PCDH15: variants seen among roughly 807,000 people sequenced by gnomAD.
PCDH15 encodes protocadherin-15.
Under a neutral mutation model 178.5 loss-of-function variants are expected in PCDH15, and 129 were observed. The ratio of observed to expected loss-of-function variants is 0.72; its 90% CI spans 0.63 to 0.84. PCDH15 has a LOEUF of 0.84. PCDH15 is among the 40% of genes least tolerant of loss of function. The probability of loss-of-function intolerance (pLI) is 0.00; values close to 1 mark genes in which losing one functional copy is unlikely to be tolerated. For missense variants in PCDH15, 2,230 were observed against 2,099.9 expected (o/e 1.06, Z -1.21); for synonymous variants, 800 against 732.0 (o/e 1.09, Z -1.50).
In PCDH15 at chr10:54,240,792, C is replaced by T. The variant is rs373036966; in HGVS notation, c.877-3861G>A. Reference sequence around the variant, plus strand: ...GACTACAGGCGCCCGCCACCACGCCCGGCTAATATTTTGTATTTTTAGGAG... The same window carrying T: ...GACTACAGGCGCCCGCCACCACGCCTGGCTAATATTTTGTATTTTTAGGAG... On this transcript the variant is annotated intron_variant, in intron 8 of 37. Transcript: ENST00000644397. 1.4e-4 allele frequency among the ~76,000 whole-genome samples: 21 copies of T among 151,716 alleles called. 1 individual carries two copies. The highest frequency in any genetic ancestry group is 8.3e-4 in the South Asian group (4 of 4,798).
intron 17 of PCDH15, among the ~76,000 whole-genome samples, chr10:54,077,267 G>A (rs1258428800): frequency 6.6e-6 from 1 of 152,120 alleles, no homozygotes; most frequent in Admixed American, 6.6e-5. Flanking sequence ...ACCTAGAAAT[G>A]CTAAGTGTCC....
At chr10:54,753,715 A>G (rs574728270) in intron 1 of PCDH15, among the ~76,000 whole-genome samples, 1 of 152,248 alleles carries the variant, frequency 6.6e-6, no homozygotes, top group East Asian at 1.9e-4. Context: ...CTCTATATAC[A>G]CTAGAGCAAG....
chr10:54,980,875 A>G (rs1839217212), intron 2 of PCDH15, among the ~76,000 whole-genome samples: 1 of 152,076 alleles, frequency 6.6e-6, no homozygotes, highest in Non-Finnish European at 1.5e-5. Flanking sequence ...GAAATTGAAT[A>G]TAGAAATGAG....
intron 2 of PCDH15, among the ~76,000 whole-genome samples, chr10:55,467,628 A>C (rs183896881): frequency 2.0e-5 from 3 of 152,144 alleles, no homozygotes; most frequent in African/African-American, 7.2e-5. Flanking sequence ...TGTCTCTCAG[A>C]CATGAACAAA....
chr10:55,231,524 C>A (rs1841223208), intron 1 of PCDH15, among the ~76,000 whole-genome samples: 7 of 151,954 alleles, frequency 4.6e-5, no homozygotes, highest in Admixed American at 4.6e-4. Context: ...AGATGATCGT[C>A]TAAAACAAAA....
At chr10:55,184,980 G>C (rs1030954171) in intron 1 of PCDH15, among the ~76,000 whole-genome samples, 1 of 151,802 alleles carries the variant, frequency 6.6e-6, no homozygotes, top group Admixed American at 6.6e-5. Context: ...TCCTTCAGTT[G>C]GATGTGAAAA....
intron 10 of PCDH15, among the ~76,000 whole-genome samples, chr10:54,198,121 C>A (rs2049859300): frequency 6.6e-6 from 1 of 152,098 alleles, no homozygotes. Flanking sequence ...GATTATGTAT[C>A]CATCTCACAT....
intron 2 of PCDH15, among the ~76,000 whole-genome samples, chr10:55,609,284 G>T (rs1166112452): frequency 6.6e-6 from 1 of 152,098 alleles, no homozygotes; most frequent in Non-Finnish European, 1.5e-5. Flanking sequence ...CAGATGACAA[G>T]AGATGAGAAA....
chr10:55,125,032 C>G (rs931213497), intron 2 of PCDH15, among the ~76,000 whole-genome samples: 1 of 151,994 alleles, frequency 6.6e-6, no homozygotes, highest in Non-Finnish European at 1.5e-5. Context: ...AACTTAAAGG[C>G]CCTAAAAGTG....
intron 2 of PCDH15, among the ~76,000 whole-genome samples, chr10:55,054,156 T>C (rs917003044): frequency 3.3e-5 from 5 of 152,192 alleles, no homozygotes; most frequent in South Asian, 4.1e-4. Flanking sequence ...ATCCTACTCA[T>C]GTACTGTTTT....
At chr10:54,505,280 C>G (rs1180809594) in intron 3 of PCDH15, among the ~76,000 whole-genome samples, 1 of 151,972 alleles carries the variant, frequency 6.6e-6, no homozygotes, top group East Asian at 1.9e-4. Flanking sequence ...TCATGAATTT[C>G]TATGTATACA....
At chr10:54,161,975 G>C (rs1408766854) in intron 13 of PCDH15, among the ~76,000 whole-genome samples, 1 of 152,036 alleles carries the variant, frequency 6.6e-6, no homozygotes, top group Non-Finnish European at 1.5e-5. Flanking sequence ...CAAGCAGCAG[G>C]ACCTAGATGA....
At chr10:55,473,529 T>C (rs1219393182) in intron 2 of PCDH15, among the ~76,000 whole-genome samples, 1 of 152,112 alleles carries the variant, frequency 6.6e-6, no homozygotes, top group Non-Finnish European at 1.5e-5. Flanking sequence ...TTAGAACACC[T>C]TGAAACAGAC....
chr10:54,429,804 G>A (rs1436287741), intron 3 of PCDH15, among the ~76,000 whole-genome samples: 1 of 152,052 alleles, frequency 6.6e-6, no homozygotes, highest in Non-Finnish European at 1.5e-5. Context: ...GTAAATATAT[G>A]TGTACCCAAT....
chr10:53,979,359 G>A (rs1315957589), intron 21 of PCDH15, among the ~76,000 whole-genome samples: 1 of 152,098 alleles, frequency 6.6e-6, no homozygotes, highest in Non-Finnish European at 1.5e-5. Context: ...ATCATGAGAA[G>A]GGCATGGAAG....
intron 3 of PCDH15, among the ~76,000 whole-genome samples, chr10:54,443,100 T>C (rs536205163): frequency 3.2e-4 from 49 of 151,778 alleles, no homozygotes; most frequent in African/African-American, 1.1e-3. Flanking sequence ...TGTTTAAGTT[T>C]GACAAGCATC....
rs576948571 is a variant in PCDH15, at chr10:54,251,368, G to C, written c.877-14437C>G. Among the ~76,000 whole-genome samples the C allele has an allele frequency of 2.0e-5, 3 of 152,142 alleles. No homozygotes were observed. The South Asian group carries it at 6.2e-4, about 32-fold the overall frequency. ...CTTGAGTGTTTTTGTCTTTGTTTTT[G>C]TTTTTCCTTACAGTATCTTTGTTAT... On this transcript the variant is annotated intron_variant, in intron 8 of 37. Coordinates refer to ENST00000644397, the MANE Select transcript of PCDH15 (RefSeq NM_001384140.1).
intron 3 of PCDH15, among the ~76,000 whole-genome samples, chr10:54,411,143 A>G (rs1310336840): frequency 6.6e-6 from 1 of 152,108 alleles, no homozygotes; most frequent in Non-Finnish European, 1.5e-5. Flanking sequence ...ATCTAGGCTG[A>G]CCCATGATGC....
chr10:55,617,577 T>C lies in PCDH15; in HGVS notation c.-156+10048A>G, dbSNP rs189724238. ...ACCAGATAATTCCATGGCAGGGCAA[T>C]AAACTGCATTTACATTCTCTTTCTA... is the stretch of plus-strand genomic sequence containing the variant. On this transcript the variant is annotated intron_variant, in intron 2 of 5. Transcript: ENST00000613346. Among the ~76,000 whole-genome samples, 220 of 152,164 alleles carry C rather than the reference T, an allele frequency of 1.4e-3. 1 individual carries two copies. The highest frequency in any genetic ancestry group is 2.1e-3 in the South Asian group (10 of 4,830).
Sources: gnomAD v4.1 joint callset for allele counts (sites outside exome capture counted in the v4.1 genomes callset) on GRCh38, gnomAD v4.1.1 for gene constraint, MANE v1.5 for transcripts, NCBI Gene and HGNC (gene_info 2026-07-23, HGNC 2026-07-21) for gene names.